The following ARHGAP42 variants were observed in gnomAD, a reference collection of about 807,000 sequenced individuals.
The protein encoded by ARHGAP42 is Rho GTPase activating protein 42.
Under a neutral mutation model 125.0 loss-of-function variants are expected in ARHGAP42, and 63 were observed. That is an observed-to-expected ratio of 0.50 (90% CI 0.41 to 0.62). The LOEUF is 0.62. Among genes scored for constraint, ARHGAP42 ranks in the 20% least tolerant of loss-of-function variants. ARHGAP42 has a pLI of 0.00. For missense variants in ARHGAP42, 766 were observed against 1,024.2 expected, an observed-to-expected ratio of 0.75 and a Z score of 3.44; for synonymous variants, 339 against 351.0, an observed-to-expected ratio of 0.97 and a Z score of 0.38.
intron 4 of ARHGAP42, among the ~76,000 whole-genome samples, chr11:100,896,309 G>A (rs1329548042): frequency 6.6e-6 from 1 of 152,146 alleles, no homozygotes; most frequent in African/African-American, 2.4e-5. Context: ...ATATACATGT[G>A]CATGTGTCTT....
intron 3 of ARHGAP42, among the ~76,000 whole-genome samples, chr11:100,830,958 G>C (rs760071516): frequency 6.6e-6 from 1 of 151,810 alleles, no homozygotes; most frequent in Non-Finnish European, 1.5e-5. Context: ...TAATGTACGG[G>C]GTGAGGGAAA....
At chr11:100,779,463 AAAAAAT>A (rs1170155440) in intron 2 of ARHGAP42, among the ~76,000 whole-genome samples, 2 of 80,304 alleles carry the variant, frequency 2.5e-5, no homozygotes, top group African/African-American at 8.8e-5. Context: ...AAAAAAAAAA[AAAAAAT>A]ATATATATAT....
At chr11:100,875,190 TTTA>T (rs1865792547) in intron 4 of ARHGAP42, among the ~76,000 whole-genome samples, 1 of 151,926 alleles carries the variant, frequency 6.6e-6, no homozygotes, top group Non-Finnish European at 1.5e-5. Context: ...ATTTTTATTT[TTTA>T]TTTTTTGTTA....
chr11:100,991,265 G>A lies in ARHGAP42; in HGVS notation c.*2464G>A, dbSNP rs1858824830. 1 of 152,106 alleles carries A rather than the reference G, an allele frequency of 6.6e-6. No individual in the cohort carries two copies. Among genetic ancestry groups the A allele is most frequent in the Non-Finnish European group, 1.5e-5 (1 of 68,010 alleles). The allele number at this position is 152,106 out of a possible 1,614,324, so 9.4% of individuals were successfully genotyped here. The stretch of plus-strand genomic sequence containing the variant: ...CTTAAAGTAAGTTTCCTACAGATAA[G>A]GTATTTATGAGCACTGAGAAAGTCA... On this transcript the variant is annotated 3_prime_UTR_variant, in exon 24 of 24. Transcript: ENST00000298815.
chr11:100,757,984 G>A (rs151179261), intron 1 of ARHGAP42, among the ~76,000 whole-genome samples: 52 of 152,186 alleles, frequency 3.4e-4, no homozygotes, highest in African/African-American at 1.1e-3. Context: ...TAGTCATATT[G>A]CTATGTGAAA....
chr11:100,920,271 G>A (rs607392), intron 5 of ARHGAP42, among the ~76,000 whole-genome samples: 115,785 of 151,524 alleles, frequency 0.76, 44,555 homozygotes, highest in East Asian at 1. Flanking sequence ...TTAAATGCAT[G>A]ATAAGTATAG....
chr11:100,864,484 T>C (rs1422753688), intron 4 of ARHGAP42, among the ~76,000 whole-genome samples: 1 of 152,118 alleles, frequency 6.6e-6, no homozygotes, highest in Non-Finnish European at 1.5e-5. Flanking sequence ...ACCTGGCCTA[T>C]GTCTGAGTTT....
At position 100,726,653 on chromosome 11, in the gene ARHGAP42, A is replaced by G. The variant is rs981459503; in HGVS notation, c.154+38821A>G. Among the ~76,000 whole-genome samples the G allele has an allele frequency of 1.1e-4, 16 of 152,206 alleles. 1 individual carries two copies. Among genetic ancestry groups the G allele is most frequent in the African/African-American group, 3.4e-4 (14 of 41,450 alleles). ...AAAGTCATGTTATTTGGGGAGCTGTATTTTCATATCTGTAATTTACATGGA... is the reference window on the plus strand; with the variant it reads ...AAAGTCATGTTATTTGGGGAGCTGTGTTTTCATATCTGTAATTTACATGGA... On this transcript the variant is annotated intron_variant, in intron 1 of 23. Coordinates refer to ENST00000298815, the MANE Select transcript of ARHGAP42 (RefSeq NM_152432.4).
chr11:100,839,446 A>G (rs1449545202), intron 3 of ARHGAP42: 1 of 152,190 alleles, frequency 6.6e-6, no homozygotes, highest in Non-Finnish European at 1.5e-5. Context: ...CTAAATGGAA[A>G]CGCTCTTGAC....
At chr11:100,788,534 G>T (rs992680875) in intron 2 of ARHGAP42, among the ~76,000 whole-genome samples, 48 of 152,264 alleles carry the variant, frequency 3.2e-4, no homozygotes, top group African/African-American at 1.1e-3. Context: ...GCAATTTATT[G>T]ACTTTGCAAG....
At chr11:100,731,050 T>A (rs1861948776) in intron 1 of ARHGAP42, among the ~76,000 whole-genome samples, 1 of 152,242 alleles carries the variant, frequency 6.6e-6, no homozygotes, top group Non-Finnish European at 1.5e-5. Flanking sequence ...AGGTTTTTTT[T>A]AGTTTTGTTT....
At position 100,948,491 on chromosome 11, in the gene ARHGAP42, G is replaced by T. The variant is rs1868083019; in HGVS notation, c.1078G>T (p.Ala360Ser). ...CATCACGTTACAGGCCTTCTCAGAAGCTAATAGGAAACTCTGGCTTGAAGC... is the reference window on the plus strand; with the variant it reads ...CATCACGTTACAGGCCTTCTCAGAATCTAATAGGAAACTCTGGCTTGAAGC... ...GIITLQAFSE[A>S]NRKLWLEAMD... The change falls in exon 11 of 24, where the codon GCT becomes TCT. Residue 360 changes from alanine (A) to serine (S), a missense_variant. Ala to Ser is a moderately conservative substitution (Grantham distance 99). This residue lies in a region of ARHGAP42 where 455 missense variants were observed against 636.5 expected (regional missense o/e 0.71). Transcript: ENST00000298815. 6.5e-7 allele frequency: 1 copy of T among 1,549,986 alleles called. No individual in the cohort carries two copies. Among genetic ancestry groups the T allele is most frequent in the Non-Finnish European group, 8.7e-7 (1 of 1,145,924 alleles).
At chr11:100,921,223 ATATATATATATATATATATATATTTTTT>A (rs1565276599) in intron 5 of ARHGAP42, among the ~76,000 whole-genome samples, 14 of 68,444 alleles carry the variant, frequency 2.0e-4, no homozygotes, top group Non-Finnish European at 3.5e-4. Flanking sequence ...ACATATATAT[ATATATATATATATATATATATATTTTTT>A]TTTTTTTTTT....
chr11:100,836,807 G>C (rs1864799127), intron 3 of ARHGAP42, among the ~76,000 whole-genome samples: 1 of 127,158 alleles, frequency 7.9e-6, no homozygotes, highest in Non-Finnish European at 1.6e-5. Flanking sequence ...CATATATAAT[G>C]TCTGGGACTT....
chr11:100,864,684 T>C (rs947494533), intron 4 of ARHGAP42, among the ~76,000 whole-genome samples: 1 of 152,166 alleles, frequency 6.6e-6, no homozygotes, highest in Non-Finnish European at 1.5e-5. Flanking sequence ...CAGAACTCAG[T>C]TCCTCAGACC....
chr11:100,782,316 G>A (rs1863334708), intron 2 of ARHGAP42, among the ~76,000 whole-genome samples: 1 of 152,148 alleles, frequency 6.6e-6, no homozygotes, highest in South Asian at 2.1e-4. Context: ...GAGATTACAT[G>A]CATCACAAAA....
At chr11:100,880,957 T>C (rs1285451517) in intron 4 of ARHGAP42, among the ~76,000 whole-genome samples, 1 of 152,086 alleles carries the variant, frequency 6.6e-6, no homozygotes, top group East Asian at 1.9e-4. Flanking sequence ...TTTTTCTTGC[T>C]AATTTGTTTG....
chr11:100,958,684 G>A (rs1857873622), intron 12 of ARHGAP42, among the ~76,000 whole-genome samples: 1 of 151,882 alleles, frequency 6.6e-6, no homozygotes, highest in Non-Finnish European at 1.5e-5. Flanking sequence ...TAGGAAAATA[G>A]AAACAGTCAT....
chr11:100,889,228 T>C (rs1412478308), intron 4 of ARHGAP42, among the ~76,000 whole-genome samples: 1 of 152,216 alleles, frequency 6.6e-6, no homozygotes, highest in Non-Finnish European at 1.5e-5. Flanking sequence ...ATGGTCTGAA[T>C]GTGTCTCCCC....
Sources: allele counts gnomAD v4.1 joint callset (sites outside exome capture counted in the v4.1 genomes callset), GRCh38; gene constraint gnomAD v4.1.1; regional missense constraint gnomAD v4.1.1; transcripts MANE v1.5; gene names NCBI Gene and HGNC (gene_info 2026-07-23, HGNC 2026-07-21).